Variants in PABPC4L observed in about 807,000 individuals in gnomAD.
PABPC4L encodes the protein polyadenylate-binding protein 4-like.
For missense variants in PABPC4L, 452 were observed against 451.4 expected, an observed-to-expected ratio of 1.00 and a Z score of -0.01; for synonymous variants, 169 against 164.1, an observed-to-expected ratio of 1.03 and a Z score of -0.23.
At chr4:134,021,803 C>A in the PABPC4L span, among the ~76,000 whole-genome samples, 1 of 152,072 alleles carries the variant, frequency 6.6e-6, no homozygotes, top group South Asian at 2.1e-4. Flanking sequence ...TTTTATATTT[C>A]CCTGTTCTAG....
chr4:134,044,283 TGA>T, the PABPC4L span, among the ~76,000 whole-genome samples: 1 of 151,810 alleles, frequency 6.6e-6, no homozygotes, highest in East Asian at 1.9e-4. Context: ...TATTATTTTT[TGA>T]GAGAGTCTCA....
the PABPC4L span, among the ~76,000 whole-genome samples, chr4:134,149,170 T>A: frequency 1.3e-5 from 2 of 152,252 alleles, no homozygotes; most frequent in East Asian, 1.9e-4. Flanking sequence ...TTGAGTAGAA[T>A]TGCTGGTTAA....
the PABPC4L span, among the ~76,000 whole-genome samples, chr4:134,100,026 G>GTGAATGAAATGAA: frequency 1.8e-4 from 27 of 151,660 alleles, no homozygotes; most frequent in Non-Finnish European, 1.5e-5. Context: ...ACAGATTGCT[G>GTGAATGAAATGAA]TGAATGAAAT....
the PABPC4L span, among the ~76,000 whole-genome samples, chr4:134,065,304 G>A: frequency 6.7e-6 from 1 of 149,162 alleles, no homozygotes; most frequent in Non-Finnish European, 1.5e-5. Flanking sequence ...GGTGTGAGAT[G>A]ATATCTCATT....
At chr4:133,985,609 C>T in the PABPC4L span, among the ~76,000 whole-genome samples, 1 of 151,884 alleles carries the variant, frequency 6.6e-6, no homozygotes, top group Non-Finnish European at 1.5e-5. Flanking sequence ...TTTAGAGAGA[C>T]TTCTATTGTT....
chr4:134,031,749 T>C, the PABPC4L span, among the ~76,000 whole-genome samples: 9 of 151,994 alleles, frequency 5.9e-5, no homozygotes, highest in South Asian at 2.1e-4. Context: ...AGAGATGATA[T>C]GGGGATATAT....
the PABPC4L span, among the ~76,000 whole-genome samples, chr4:134,139,140 T>A: frequency 6.6e-6 from 1 of 151,972 alleles, no homozygotes; most frequent in East Asian, 1.9e-4. Flanking sequence ...TCAACTAAAA[T>A]GTGCTAACTG....
the PABPC4L span, among the ~76,000 whole-genome samples, chr4:133,998,542 A>G: frequency 6.6e-6 from 1 of 152,140 alleles, no homozygotes; most frequent in East Asian, 1.9e-4. Context: ...TTTCAAAATC[A>G]TCTTGAATAT....
the PABPC4L span, among the ~76,000 whole-genome samples, chr4:134,062,179 T>C: frequency 1.6e-3 from 236 of 151,960 alleles, 5 homozygotes; most frequent in East Asian, 0.03. Context: ...TTTTATATAT[T>C]GAGGCAAAAA....
chr4:134,155,804 G>C, the PABPC4L span, among the ~76,000 whole-genome samples: 1 of 151,872 alleles, frequency 6.6e-6, no homozygotes, highest in Non-Finnish European at 1.5e-5. Context: ...TACACTAAAA[G>C]TCAAATGAGC....
chr4:134,135,615 T>A, the PABPC4L span, among the ~76,000 whole-genome samples: 2 of 152,092 alleles, frequency 1.3e-5, no homozygotes, highest in African/African-American at 4.8e-5. Context: ...GCAGATCACC[T>A]GAGGTCGGGA....
chr4:134,074,165 T>A, the PABPC4L span, among the ~76,000 whole-genome samples: 1 of 152,206 alleles, frequency 6.6e-6, no homozygotes, highest in Non-Finnish European at 1.5e-5. Context: ...CTCTGCTTCC[T>A]CTTGAATGCT....
At chr4:133,995,304 A>G in the PABPC4L span, among the ~76,000 whole-genome samples, 1 of 152,112 alleles carries the variant, frequency 6.6e-6, no homozygotes, top group Non-Finnish European at 1.5e-5. Context: ...ATAGGAAACA[A>G]TTTGGGTTTC....
At chr4:134,133,574 C>T in the PABPC4L span, among the ~76,000 whole-genome samples, 5 of 151,018 alleles carry the variant, frequency 3.3e-5, no homozygotes, top group African/African-American at 1.2e-4. Context: ...AGCAAAGTAC[C>T]TCAAGAATGG....
At chr4:134,127,249 G>A in the PABPC4L span, among the ~76,000 whole-genome samples, 7 of 151,818 alleles carry the variant, frequency 4.6e-5, no homozygotes, top group East Asian at 9.7e-4. Flanking sequence ...CAATGGCCCC[G>A]CCCCCCACCT....
chr4:134,039,056 A>G, the PABPC4L span, among the ~76,000 whole-genome samples: 3 of 152,102 alleles, frequency 2.0e-5, no homozygotes, highest in African/African-American at 7.2e-5. Context: ...GAATATCTTT[A>G]TTTCTGCCTT....
chr4:134,020,899 T>C, the PABPC4L span, among the ~76,000 whole-genome samples: 4 of 152,174 alleles, frequency 2.6e-5, no homozygotes, highest in Non-Finnish European at 5.9e-5. Context: ...GCTTTTCCTG[T>C]CAGAGTGTTC....
the PABPC4L span, among the ~76,000 whole-genome samples, chr4:134,064,020 C>A: frequency 6.6e-6 from 1 of 152,126 alleles, no homozygotes; most frequent in East Asian, 1.9e-4. Flanking sequence ...TGATTTGAAT[C>A]ACCAATTTTC....
At chr4:134,116,064 C>G in the PABPC4L span, among the ~76,000 whole-genome samples, 24 of 151,714 alleles carry the variant, frequency 1.6e-4, no homozygotes, top group Non-Finnish European at 2.9e-4. Context: ...AGTGGATTAT[C>G]TGCTCATATA....
Sources: allele counts gnomAD v4.1 joint callset (sites outside exome capture counted in the v4.1 genomes callset), GRCh38; gene constraint gnomAD v4.1.1; transcripts MANE v1.5; gene names NCBI Gene and HGNC (gene_info 2026-07-23, HGNC 2026-07-21).